Variants in LRRK2 observed in about 807,000 individuals in gnomAD.
LRRK2 encodes the protein leucine-rich repeat serine/threonine-protein kinase 2.
Under a neutral mutation model 302.6 loss-of-function variants are expected in LRRK2, and 203 were observed. That is an observed-to-expected ratio of 0.67 (90% CI 0.60 to 0.75). The LOEUF (loss-of-function observed/expected upper bound fraction) is 0.75. Ranked by LOEUF, LRRK2 falls within the 30% of genes least tolerant of loss-of-function variation. The probability of loss-of-function intolerance (pLI) is 0.00; values close to 1 mark genes in which losing one functional copy is unlikely to be tolerated. For missense variants in LRRK2, 2,830 were observed against 2,951.0 expected (o/e 0.96, Z 0.95); for synonymous variants, 1,066 against 1,031.9 (o/e 1.03, Z -0.63).
intron 28 of LRRK2, 134 bp from the exon 29 acceptor site, chr12:40,308,333 A>G (rs1277778934): frequency 4.5e-6 from 3 of 661,530 alleles, no homozygotes; most frequent in Admixed American, 2.8e-5. Flanking sequence ...AGACATGTAC[A>G]TTATTAGTTA....
chr12:40,225,409 C>T (rs1301832986), intron 1 of LRRK2, 127 bp downstream of exon 1: 1 of 1,300,208 alleles, frequency 7.7e-7, no homozygotes, highest in Non-Finnish European at 1.1e-6. Flanking sequence ...CGCAAACTCC[C>T]ATATCCTTTC....
intron 8 of LRRK2, among the ~76,000 whole-genome samples, chr12:40,251,010 T>G (rs1237022450): frequency 2.0e-5 from 3 of 151,688 alleles, no homozygotes; most frequent in African/African-American, 7.2e-5. Context: ...AGGTTTTTTT[T>G]TTTTTTGGTA....
At chr12:40,327,441 G>A (rs981327657) in intron 38 of LRRK2, among the ~76,000 whole-genome samples, 1 of 152,118 alleles carries the variant, frequency 6.6e-6, no homozygotes, top group Non-Finnish European at 1.5e-5. Context: ...AGACATTAGC[G>A]TTTTAAAAAG....
intron 14 of LRRK2, among the ~76,000 whole-genome samples, chr12:40,273,263 A>G (rs1943312036): frequency 6.6e-6 from 1 of 152,182 alleles, no homozygotes; most frequent in Non-Finnish European, 1.5e-5. Flanking sequence ...TGGTTCTCAG[A>G]TTCGCATAAT....
chr12:40,351,403 G>T lies in LRRK2; in HGVS notation c.6382-136G>T, dbSNP rs538552297. 151 of 691,746 alleles carry T rather than the reference G, an allele frequency of 2.2e-4. 1 individual carries two copies. The highest frequency in any genetic ancestry group is 3.0e-4 in the Admixed American group (12 of 39,892). 42.9% of individuals were successfully genotyped at this position (691,746 alleles called of 1,614,324 possible). ...TTTGTAGTTTAGATTACTAATCTTG[G>T]TGATCTAGTTGGGTTCCAGTTTAAC... On this transcript the variant is annotated intron_variant, in intron 43 of 50. Coordinates refer to ENST00000298910, the MANE Select transcript of LRRK2 (RefSeq NM_198578.4).
intron 23 of LRRK2, among the ~76,000 whole-genome samples, chr12:40,297,618 A>G (rs1450292575): frequency 6.6e-6 from 1 of 152,136 alleles, no homozygotes; most frequent in Non-Finnish European, 1.5e-5. Context: ...AAGACCATAG[A>G]GAAGTGATTG....
Position 40,232,342 on chromosome 12 carries a change from C to T in LRRK2, c.306C>T (p.Pro102=). 5.6e-6 allele frequency: 9 copies of T among 1,613,948 alleles called. No individual in the cohort carries two copies. Among genetic ancestry groups the T allele is most frequent in the Non-Finnish European group, 7.6e-6 (9 of 1,179,960 alleles). Residue 102 remains proline (P), a synonymous_variant, in exon 3 of 51, where the codon CCC becomes CCT. Transcript: ENST00000298910. ...GTACAATGCAAAGCTTAATGGGACC[C>T]CAGGATGTTGGAAATGATTGGGAAG... ...CPGTMQSLMG[P]QDVGNDWEVL...
intron 7 of LRRK2, among the ~76,000 whole-genome samples, chr12:40,247,505 CATGTATATAAATATACATACAA>C (rs201868509): frequency 0.11 from 14,976 of 134,526 alleles, 2,418 homozygotes; most frequent in East Asian, 0.3. Context: ...TATATTTACA[CATGTATATAAATATACATACAA>C]ATGTATATAA....
At chr12:40,297,867 G>A (rs1017483324) in intron 23 of LRRK2, among the ~76,000 whole-genome samples, 1 of 151,962 alleles carries the variant, frequency 6.6e-6, no homozygotes, top group Non-Finnish European at 1.5e-5. Context: ...ATTTCTGACA[G>A]CATTTAAAAC....
At chr12:40,311,595 C>T (rs1227675426) in intron 31 of LRRK2, among the ~76,000 whole-genome samples, 1 of 152,190 alleles carries the variant, frequency 6.6e-6, no homozygotes, top group East Asian at 1.9e-4. Flanking sequence ...TTCTCAAAAG[C>T]ATTCCAATTT....
intron 16 of LRRK2, among the ~76,000 whole-genome samples, chr12:40,276,999 C>CCT (rs1565704126): frequency 8.6e-5 from 13 of 151,760 alleles, no homozygotes; most frequent in African/African-American, 3.1e-4. Context: ...GGTGCATGCA[C>CCT]GGGTAATTTT....
intron 14 of LRRK2, among the ~76,000 whole-genome samples, chr12:40,267,371 C>T (rs541403613): frequency 4.0e-4 from 61 of 152,228 alleles, no homozygotes; most frequent in Admixed American, 3.1e-3. Context: ...GGAGGGATAC[C>T]AGCATTGTGA....
chr12:40,363,419 T>A lies in LRRK2; in HGVS notation c.7046T>A (p.Phe2349Tyr). 2.5e-6 allele frequency: 4 copies of A among 1,611,768 alleles called. No individual in the cohort carries two copies. Among genetic ancestry groups the A allele is most frequent in the Non-Finnish European group, 2.5e-6 (3 of 1,178,516 alleles). Residue 2349 changes from phenylalanine to tyrosine, a missense_variant, in exon 48 of 51, where the codon TTC (phenylalanine) becomes TAC (tyrosine). Around this residue, in one of 3 missense-constraint regions of LRRK2, gnomAD observed 456 missense variants for 456.3 expected, o/e 1.00. Coordinates refer to ENST00000298910, the MANE Select transcript of LRRK2 (RefSeq NM_198578.4). ...RTSQLFSYAA[F>Y]SDSNIITVVV... ...CTCTGTAGGTTTTCTTATGCAGCTT[T>A]CAGTGATTCCAACATCATAACAGTG...
chr12:40,337,671 A>C (rs1945916097), intron 40 of LRRK2, among the ~76,000 whole-genome samples: 1 of 152,220 alleles, frequency 6.6e-6, no homozygotes, highest in African/African-American at 2.4e-5. Flanking sequence ...GGGAATTATC[A>C]GAATTTCTTT....
chr12:40,303,911 C>T, intron 26 of LRRK2, 37 bp from the exon 27 acceptor site: 1 of 1,595,148 alleles, frequency 6.3e-7, no homozygotes. Flanking sequence ...TTTGGAAATA[C>T]TCATTTGGTT....
intron 39 of LRRK2, 139 bp from the exon 40 acceptor site, chr12:40,334,828 C>CA: frequency 1.0e-6 from 1 of 999,746 alleles, no homozygotes; most frequent in Non-Finnish European, 1.5e-6. Context: ...AAAAAAAACT[C>CA]AGAGAAGAAA....
intron 14 of LRRK2, among the ~76,000 whole-genome samples, chr12:40,271,745 A>T (rs1943239776): frequency 6.6e-6 from 1 of 152,130 alleles, no homozygotes; most frequent in Non-Finnish European, 1.5e-5. Context: ...TAGCTATTAA[A>T]AATCAAATGC....
chr12:40,335,490 A>G (rs570468116), intron 40 of LRRK2, among the ~76,000 whole-genome samples: 33 of 152,256 alleles, frequency 2.2e-4, no homozygotes, highest in African/African-American at 7.5e-4. Flanking sequence ...CATGATTCCA[A>G]TGAGGAAAGA....
chr12:40,249,500 A>T (rs1942159426), intron 7 of LRRK2, among the ~76,000 whole-genome samples: 2 of 152,130 alleles, frequency 1.3e-5, no homozygotes, highest in African/African-American at 2.4e-5. Flanking sequence ...AAATTAAGTT[A>T]TTTTACACAA....
Sources: allele counts gnomAD v4.1 joint callset (sites outside exome capture counted in the v4.1 genomes callset), GRCh38; gene constraint gnomAD v4.1.1; regional missense constraint gnomAD v4.1.1; transcripts MANE v1.5; gene names NCBI Gene and HGNC (gene_info 2026-07-23, HGNC 2026-07-21).